SYT5: variants seen among roughly 807,000 people sequenced by gnomAD.
SYT5 encodes synaptotagmin-5.
A neutral mutation model predicts 36.0 loss-of-function variants in SYT5; 29 were observed. That is an observed-to-expected ratio of 0.81 (90% CI 0.60 to 1.10). The LOEUF (loss-of-function observed/expected upper bound fraction) is 1.10, where lower values mean the gene tolerates loss of function less well. SYT5 is among the 50% of genes least tolerant of loss of function. SYT5 has a pLI of 0.00. For synonymous variants in SYT5, 231 were observed against 227.6 expected (o/e 1.02, Z -0.14); for missense variants, 512 against 516.0 (o/e 0.99, Z 0.08).
In SYT5 at chr19:55,178,350, G is replaced by A; in HGVS notation, c.98C>T (p.Ala33Val). The A allele has an allele frequency of 1.2e-6, 2 of 1,611,294 alleles. No homozygotes were observed. Residue 33 changes from alanine (A) to valine (V), a missense_variant, in exon 3 of 9, where the codon GCC (alanine) becomes GTC (valine). Coordinates refer to ENST00000354308, the MANE Select transcript of SYT5 (RefSeq NM_003180.3). ...GAGGCCTGAGACCAGCACGATGGTGGCCAGGGCCCAGGGGGGCACTGCAGA... is the reference window on the plus strand; with the variant it reads ...GAGGCCTGAGACCAGCACGATGGTGACCAGGGCCCAGGGGGGCACTGCAGA... ...SHGPVPPWAL[A>V]TIVLVSGLLI...
At position 55,179,398 on chromosome 19, in the gene SYT5, C is replaced by G. The variant is rs1404687589; in HGVS notation, c.-45-312G>C. 5 of 541,084 alleles carry G rather than the reference C, an allele frequency of 9.2e-6. No individual in the cohort carries two copies. The highest frequency in any genetic ancestry group is 1.2e-5 in the Non-Finnish European group (4 of 338,894). 33.5% of individuals were successfully genotyped at this position (541,084 alleles called of 1,614,324 possible). A position where few individuals can be genotyped will look rare whatever the true frequency, so the allele number is the denominator to read the frequency against. On this transcript the variant is annotated intron_variant, in intron 1 of 8. Transcript: ENST00000354308. This position sits in a 1 kb window ranked among gnomAD's most constrained non-coding sequence, Gnocchi z 4.5. ...CGTGGGAACCAGCAGACCGCGTTGC[C>G]CAGAGCAACAGCCGGGCTCCTCTCA...
In SYT5 at chr19:55,176,277, C is replaced by T. The variant is rs1018248701; in HGVS notation, c.253-153G>A. On this transcript the variant is annotated intron_variant, in intron 3 of 8. Coordinates refer to ENST00000354308, the MANE Select transcript of SYT5 (RefSeq NM_003180.3). ...AGTATTTGACTAGTGCTGTCTGCCA[C>T]AGGCAGGAAATAGACGTGGTAACAC... 8 of 1,027,714 alleles carry T rather than the reference C, an allele frequency of 7.8e-6. No homozygotes were observed. In the African/African-American group the frequency reaches 1.3e-4, roughly 17 times the overall value. The allele number at this position is 1,027,714 out of a possible 1,614,324, so 63.7% of individuals were successfully genotyped here.
intron 3 of SYT5, chr19:55,176,990 A>G (rs2086083663): frequency 1.3e-5 from 2 of 152,118 alleles, no homozygotes; most frequent in South Asian, 4.1e-4. Flanking sequence ...CAACCACTGC[A>G]CTCTGCACTG....
chr19:55,176,292 C>T (rs972213889), intron 3 of SYT5, 168 bp from the exon 4 acceptor site: 10 of 845,364 alleles, frequency 1.2e-5, no homozygotes, highest in African/African-American at 3.4e-5. Context: ...AGGAAATAGA[C>T]GTGGTAACAC....
Position 55,179,157 on chromosome 19 carries a change from GC to G in SYT5, c.-45-72del. 4.6e-6 allele frequency: 7 copies of G among 1,536,752 alleles called. No homozygotes were observed. Among genetic ancestry groups the G allele is most frequent in the Non-Finnish European group, 6.1e-6 (7 of 1,146,350 alleles). On this transcript the variant is annotated intron_variant, in intron 1 of 8. Coordinates refer to ENST00000354308, the MANE Select transcript of SYT5 (RefSeq NM_003180.3). This position sits in a 1 kb window ranked among gnomAD's most constrained non-coding sequence, Gnocchi z 4.5. ...AACAAAGAACTCCAACTCCCATGAG[GC>G]CTTTGCGCGAACAGCCGCGCAGAAA...
chr19:55,174,768 A>C, intron 7 of SYT5, 114 bp downstream of exon 7: 4 of 1,574,572 alleles, frequency 2.5e-6, no homozygotes, highest in Non-Finnish European at 3.5e-6. Context: ...CATGCCTTCC[A>C]CAGCAGCCAG....
chr19:55,172,334 T>C lies in SYT5; in HGVS notation c.*1150A>G, dbSNP rs1175036205. 6.6e-6 allele frequency: 1 copy of C among 151,354 alleles called. No homozygotes were observed. The highest frequency in any genetic ancestry group is 6.6e-5 in the Admixed American group (1 of 15,176). 9.4% of individuals were successfully genotyped at this position (151,354 alleles called of 1,614,324 possible). A position where few individuals can be genotyped will look rare whatever the true frequency, so the allele number is the denominator to read the frequency against. On this transcript the variant is annotated 3_prime_UTR_variant, in exon 9 of 9. Coordinates refer to ENST00000354308, the MANE Select transcript of SYT5 (RefSeq NM_003180.3). ...TGCTCGGGAGGCTGAGGCAGGAGAATGGCGTGAACCCGGGAGGAGGAGCTT... is the reference window on the plus strand; with the variant it reads ...TGCTCGGGAGGCTGAGGCAGGAGAACGGCGTGAACCCGGGAGGAGGAGCTT...
rs1443389533 is a variant in SYT5, at chr19:55,173,835, CGA to C, written c.961-153_961-152del. 2 of 717,298 alleles carry C rather than the reference CGA, an allele frequency of 2.8e-6. No homozygotes were observed. Among genetic ancestry groups the C allele is most frequent in the Non-Finnish European group, 2.0e-6 (1 of 498,144 alleles). The allele number at this position is 717,298 out of a possible 1,614,324, so 44.4% of individuals were successfully genotyped here. A position where few individuals can be genotyped will look rare whatever the true frequency, so the allele number is the denominator to read the frequency against. On this transcript the variant is annotated intron_variant, in intron 8 of 8. Transcript: ENST00000354308. The surrounding 1 kb of genome is among the most constrained non-coding windows in gnomAD (Gnocchi z 5.4). ...TCGGGACGGGGGAGGGGGTGGGAGACGAGAGGGACGGAGCCTGCGGCGAGGAG... is the reference window on the plus strand; with the variant it reads ...TCGGGACGGGGGAGGGGGTGGGAGACGAGGGACGGAGCCTGCGGCGAGGAG...
At chr19:55,176,784 G>C (rs2086081389) in intron 3 of SYT5, among the ~76,000 whole-genome samples, 1 of 152,098 alleles carries the variant, frequency 6.6e-6, no homozygotes, top group Admixed American at 6.5e-5. Context: ...ACAGGGATGG[G>C]GCTGGACACC....
chr19:55,173,577 G>C lies in SYT5; in HGVS notation c.1068C>G (p.His356Gln). Reference protein sequence around the residue: ...GAAAGGAGLRHWADMLANPRR... With the variant: ...GAAAGGAGLRQWADMLANPRR... ...GCGGGTTGGCCAGCATGTCCGCCCAGTGCCGCAGGCCAGCCCCGCCGGCGG... is the reference window on the plus strand; with the variant it reads ...GCGGGTTGGCCAGCATGTCCGCCCACTGCCGCAGGCCAGCCCCGCCGGCGG... The change falls in exon 9 of 9, where the codon CAC (histidine) becomes CAG (glutamine). Residue 356 changes from histidine (H) to glutamine (Q), a missense_variant. His to Gln is a conservative substitution (Grantham distance 24). Coordinates refer to ENST00000354308, the MANE Select transcript of SYT5 (RefSeq NM_003180.3). This position sits in a 1 kb window ranked among gnomAD's most constrained non-coding sequence, Gnocchi z 5.4. 6.8e-7 allele frequency: 1 copy of C among 1,474,496 alleles called. No homozygotes were observed. The highest frequency in any genetic ancestry group is 9.0e-7 in the Non-Finnish European group (1 of 1,113,896). 91.3% of individuals were successfully genotyped at this position (1,474,496 alleles called of 1,614,324 possible).
Position 55,173,391 on chromosome 19 carries a change from G to T in SYT5, c.*93C>A. 2 of 1,111,218 alleles carry T rather than the reference G, an allele frequency of 1.8e-6. No homozygotes were observed. The highest frequency in any genetic ancestry group is 2.3e-6 in the Non-Finnish European group (2 of 853,264). The allele number at this position is 1,111,218 out of a possible 1,614,324, so 68.8% of individuals were successfully genotyped here. A position where few individuals can be genotyped will look rare whatever the true frequency, so the allele number is the denominator to read the frequency against. On this transcript the variant is annotated 3_prime_UTR_variant, in exon 9 of 9. Transcript: ENST00000354308. This position sits in a 1 kb window ranked among gnomAD's most constrained non-coding sequence, Gnocchi z 5.4. ...GGGGGGAGGGTAACCGTCAGAGGAAGCTTAAGGGTGGGGCTGGCTTGGCTT... is the reference window on the plus strand; with the variant it reads ...GGGGGGAGGGTAACCGTCAGAGGAATCTTAAGGGTGGGGCTGGCTTGGCTT...
rs746158820 is a variant in SYT5, at chr19:55,176,053, C to T, written c.324G>A (p.Glu108=). 1.9e-6 allele frequency: 3 copies of T among 1,614,094 alleles called. No individual in the cohort carries two copies. Among genetic ancestry groups the T allele is most frequent in the Non-Finnish European group, 1.7e-6 (2 of 1,180,052 alleles). Residue 108 remains glutamate, a synonymous_variant, in exon 4 of 9, where the codon GAG becomes GAA. Coordinates refer to ENST00000354308, the MANE Select transcript of SYT5 (RefSeq NM_003180.3). ...CCAGGGAGTACTGCAGTCGTCCTAG[C>T]TCATGCTTGTCTGCCACCTGCTGCC... ...GPGQQVADKH[E]LGRLQYSLDY...
In SYT5 at chr19:55,173,708, GGAGA is replaced by G. The variant is rs2086031895; in HGVS notation, c.961-28_961-25del. ...TTCTGGGGTGGGCGCGGGAGGAAGAGGAGAGAGGAGCGTGAGGGGAGGAGGCCCC... is the reference window on the plus strand; with the variant it reads ...TTCTGGGGTGGGCGCGGGAGGAAGAGGAGGAGCGTGAGGGGAGGAGGCCCC... On this transcript the variant is annotated intron_variant, in intron 8 of 8. Coordinates refer to ENST00000354308, the MANE Select transcript of SYT5 (RefSeq NM_003180.3). This position sits in a 1 kb window ranked among gnomAD's most constrained non-coding sequence, Gnocchi z 5.4. 2 of 1,355,642 alleles carry G rather than the reference GGAGA, an allele frequency of 1.5e-6. No individual in the cohort carries two copies. Among genetic ancestry groups the G allele is most frequent in the African/African-American group, 3.1e-5 (2 of 65,200 alleles). The allele number at this position is 1,355,642 out of a possible 1,614,324, so 84.0% of individuals were successfully genotyped here.
chr19:55,179,564 G>A lies in SYT5; in HGVS notation c.-45-478C>T, dbSNP rs1409490969. The A allele has an allele frequency of 5.1e-6, 1 of 194,496 alleles. No homozygotes were observed. The highest frequency in any genetic ancestry group is 2.3e-5 in the African/African-American group (1 of 43,206). 12.0% of individuals were successfully genotyped at this position (194,496 alleles called of 1,614,324 possible). A position where few individuals can be genotyped will look rare whatever the true frequency, so the allele number is the denominator to read the frequency against. ...GTGCCTGGGAACCCCCCAATAGCCC[G>A]ACTGGGATCCTGAGGTCCCGCGAGG... On this transcript the variant is annotated intron_variant, in intron 1 of 8. Coordinates refer to ENST00000354308, the MANE Select transcript of SYT5 (RefSeq NM_003180.3). This position sits in a 1 kb window ranked among gnomAD's most constrained non-coding sequence, Gnocchi z 4.5.
Position 55,173,456 on chromosome 19 carries a change from A to G in SYT5, c.*28T>C. On this transcript the variant is annotated 3_prime_UTR_variant, in exon 9 of 9. Transcript: ENST00000354308. The surrounding 1 kb of genome is among the most constrained non-coding windows in gnomAD (Gnocchi z 5.4). Reference sequence around the variant, plus strand: ...AGTCTGGGGTCAGGGGCTAGAGTCCAGGCTTGGCCGGGGGCTTGGGGTGGG... The same window carrying G: ...AGTCTGGGGTCAGGGGCTAGAGTCCGGGCTTGGCCGGGGGCTTGGGGTGGG... 7.5e-7 allele frequency: 1 copy of G among 1,341,768 alleles called. No homozygotes were observed. The highest frequency in any genetic ancestry group is 3.1e-5 in the East Asian group (1 of 32,134). The allele number at this position is 1,341,768 out of a possible 1,614,324, so 83.1% of individuals were successfully genotyped here. A position where few individuals can be genotyped will look rare whatever the true frequency, so the allele number is the denominator to read the frequency against.
rs2086057570 is a variant in SYT5, at chr19:55,175,057, G to A, written c.709-58C>T. Reference sequence around the variant, plus strand: ...GGCTCCACATCCATGCCTCCTCAGGGGTACAATCCACGCCGCCCTGAGGGT... The same window carrying A: ...GGCTCCACATCCATGCCTCCTCAGGAGTACAATCCACGCCGCCCTGAGGGT... On this transcript the variant is annotated intron_variant, in intron 6 of 8. Transcript: ENST00000354308. The surrounding 1 kb of genome is among the most constrained non-coding windows in gnomAD (Gnocchi z 4.5). 4 of 1,602,414 alleles carry A rather than the reference G, an allele frequency of 2.5e-6. No homozygotes were observed. Among genetic ancestry groups the A allele is most frequent in the South Asian group, 1.1e-5 (1 of 90,834 alleles).
rs1447623509 is a variant in SYT5, at chr19:55,172,444, AAAAC to A, written c.*1036_*1039del. On this transcript the variant is annotated 3_prime_UTR_variant, in exon 9 of 9. Coordinates refer to ENST00000354308, the MANE Select transcript of SYT5 (RefSeq NM_003180.3). Reference sequence around the variant, plus strand: ...TCAAAAAAACAAAAACAAAAACAAAAAAACAAACAAACAAAAAAAAAACAAGAGA... The same window carrying A: ...TCAAAAAAACAAAAACAAAAACAAAAAAACAAACAAAAAAAAAACAAGAGA... 6.7e-5 allele frequency: 10 copies of A among 149,464 alleles called. No homozygotes were observed. Among genetic ancestry groups the A allele is most frequent in the South Asian group, 6.3e-4 (3 of 4,730 alleles). The allele number at this position is 149,464 out of a possible 1,614,324, so 9.3% of individuals were successfully genotyped here.
intron 3 of SYT5, among the ~76,000 whole-genome samples, chr19:55,177,989 C>T (rs971421900): frequency 6.6e-6 from 1 of 152,200 alleles, no homozygotes; most frequent in Non-Finnish European, 1.5e-5. Flanking sequence ...ACTCTCCCAC[C>T]AGACTGGGAA....
chr19:55,176,145 G>A, intron 3 of SYT5, 21 bp from the exon 4 acceptor site: 1 of 1,613,756 alleles, frequency 6.2e-7, no homozygotes. Context: ...CAGGGGTAAG[G>A]GTGGGTGAAG....
Sources: gnomAD v4.1 joint callset for allele counts (sites outside exome capture counted in the v4.1 genomes callset) on GRCh38, gnomAD v4.1.1 for gene constraint, Gnocchi (gnomAD v3.1) non-coding constraint, MANE v1.5 for transcripts, NCBI Gene and HGNC (gene_info 2026-07-23, HGNC 2026-07-21) for gene names.